The following ATL3 variants were observed in gnomAD, a reference collection of about 807,000 sequenced individuals.
ATL3 encodes atlastin-3.
Under a neutral mutation model 69.5 loss-of-function variants are expected in ATL3, and 49 were observed. The ratio of observed to expected loss-of-function variants is 0.71; its 90% CI spans 0.56 to 0.89. The LOEUF is 0.89. ATL3 is among the 40% of genes least tolerant of loss of function. The probability of loss-of-function intolerance (pLI) is 0.00; values close to 1 mark genes in which losing one functional copy is unlikely to be tolerated. For synonymous variants in ATL3, 214 were observed against 224.1 expected (o/e 0.95, Z 0.40); for missense variants, 606 against 645.7 (o/e 0.94, Z 0.67).
chr11:63,649,804 GA>G (rs1255037260), intron 5 of ATL3, among the ~76,000 whole-genome samples: 1 of 151,818 alleles, frequency 6.6e-6, no homozygotes, highest in Non-Finnish European at 1.5e-5. Flanking sequence ...TTCCAAAGAG[GA>G]ATATAATTTC....
At chr11:63,650,195 G>A (rs573772899) in intron 5 of ATL3, among the ~76,000 whole-genome samples, 53 of 152,094 alleles carry the variant, frequency 3.5e-4, no homozygotes, top group African/African-American at 5.5e-4. Context: ...ATAACACACC[G>A]CAGTATCTAG....
intron 1 of ATL3, among the ~76,000 whole-genome samples, chr11:63,659,701 G>A (rs1565282381): frequency 6.6e-6 from 1 of 152,098 alleles, no homozygotes; most frequent in South Asian, 2.1e-4. Context: ...TTGGGAAGCC[G>A]AGGTGGGTGG....
chr11:63,661,031 T>C (rs180699975), intron 1 of ATL3, among the ~76,000 whole-genome samples: 1 of 150,410 alleles, frequency 6.6e-6, no homozygotes, highest in Non-Finnish European at 1.5e-5. Context: ...CTGGCCAACA[T>C]GGTAAAGCCC....
In ATL3 at chr11:63,658,861, G is replaced by A. The variant is rs574217792; in HGVS notation, c.305C>T (p.Pro102Leu). ...HSNWLGDPEE[P>L]LTGFSWRGGS... The stretch of plus-strand genomic sequence containing the variant: ...CCCTCTCCAGGAAAATCCTGTTAAC[G>A]GTTCTTCTGGGTCACCCAACCAATT... The change falls in exon 3 of 13, where the codon CCG becomes CTG. Residue 102 changes from proline to leucine, a missense_variant. Coordinates refer to ENST00000398868, the MANE Select transcript of ATL3 (RefSeq NM_015459.5). The A allele has an allele frequency of 1.5e-5, 24 of 1,610,186 alleles. No homozygotes were observed. Among genetic ancestry groups the A allele is most frequent in the African/African-American group, 9.3e-5 (7 of 74,908 alleles).
At chr11:63,643,780 G>A (rs1358615449) in intron 7 of ATL3, among the ~76,000 whole-genome samples, 1 of 152,236 alleles carries the variant, frequency 6.6e-6, no homozygotes, top group Non-Finnish European at 1.5e-5. Flanking sequence ...AGTAGTGACA[G>A]ACAAAGGATT....
intron 12 of ATL3, 53 bp from the exon 13 acceptor site, chr11:63,629,458 C>T: frequency 6.7e-7 from 1 of 1,497,542 alleles, no homozygotes. Flanking sequence ...AACACAGCAA[C>T]AAGAAAGTAA....
At chr11:63,657,623 G>C (rs917505189) in intron 3 of ATL3, among the ~76,000 whole-genome samples, 2 of 152,214 alleles carry the variant, frequency 1.3e-5, no homozygotes, top group Non-Finnish European at 2.9e-5. Flanking sequence ...TCTGTTAGAA[G>C]CCTTACAGTA....
chr11:63,640,514 C>T (rs1205782096), intron 8 of ATL3, among the ~76,000 whole-genome samples: 2 of 150,820 alleles, frequency 1.3e-5, no homozygotes, highest in African/African-American at 4.9e-5. Flanking sequence ...TGAGATGTAC[C>T]ATAATCTAAC....
rs1444608014 is a variant in ATL3 at position 63,636,113 on chromosome 11, T to G, written c.978+94A>C. 3 of 1,520,340 alleles carry G rather than the reference T, an allele frequency of 2.0e-6. No individual in the cohort carries two copies. The East Asian group carries it at 6.8e-5, about 34-fold the overall frequency. The allele number at this position is 1,520,340 out of a possible 1,614,324, so 94.2% of individuals were successfully genotyped here. On this transcript the variant is annotated intron_variant, in intron 9 of 12. Coordinates refer to ENST00000398868, the MANE Select transcript of ATL3 (RefSeq NM_015459.5). ...CTCTCACCATCTCCCCCAGAAAATTTTTAAGTTTCAAAATATTTAAATTCA... is the reference window on the plus strand; with the variant it reads ...CTCTCACCATCTCCCCCAGAAAATTGTTAAGTTTCAAAATATTTAAATTCA...
upstream of ATL3, chr11:63,671,670 G>C: frequency 7.3e-7 from 1 of 1,367,608 alleles, no homozygotes; most frequent in Non-Finnish European, 9.6e-7. Context: ...CCGTCCTTTG[G>C]GAATTGTAGT....
In ATL3 at chr11:63,668,902, C is replaced by T. The variant is rs115546884; in HGVS notation, c.46+2388G>A. On this transcript the variant is annotated intron_variant, in intron 1 of 12. Coordinates refer to ENST00000398868, the MANE Select transcript of ATL3 (RefSeq NM_015459.5). ...GAAAAAAGAAAAAAAAAAAGGCTCA[C>T]TGCAGCCAACTTCCTGGGCTCACTC... Among the ~76,000 whole-genome samples the T allele has an allele frequency of 6.1e-3, 901 of 147,354 alleles. 9 individuals carry two copies. Among genetic ancestry groups the T allele is most frequent in the African/African-American group, 0.021 (841 of 39,936 alleles).
rs1258221734 is a variant in ATL3, at chr11:63,631,396, G to A, written c.1183C>T (p.Leu395=). The A allele has an allele frequency of 6.2e-7, 1 of 1,614,060 alleles. No individual in the cohort carries two copies. The highest frequency in any genetic ancestry group is 8.5e-7 in the Non-Finnish European group (1 of 1,180,050). ...TTCTTGGTCTTCTTAAAATGGTCCA[G>A]AGCAAGTTGTTTGAATTCACAGTGC... ...EKHCEFKQLA[L]DHFKKTKKMG... is the part of the protein sequence containing the mutation. The change falls in exon 12 of 13, where the codon CTG becomes TTG. Residue 395 remains leucine, a synonymous_variant. Transcript: ENST00000398868.
intron 8 of ATL3, among the ~76,000 whole-genome samples, chr11:63,636,956 C>A (rs1939539493): frequency 6.6e-6 from 1 of 152,084 alleles, no homozygotes. Flanking sequence ...CTGGTCTACT[C>A]CCTAGCCTTT....
intron 5 of ATL3, among the ~76,000 whole-genome samples, chr11:63,647,936 G>A (rs1297976299): frequency 2.0e-5 from 3 of 152,158 alleles, no homozygotes; most frequent in Admixed American, 2.0e-4. Flanking sequence ...TATCTCAGTA[G>A]AAATCCCTGA....
chr11:63,652,471 C>T lies in ATL3; in HGVS notation c.510G>A (p.Gln170=). The part of the protein sequence containing the change: ...FALSTMTSSV[Q]IYNLSQNIQE... ...TTTTTCTGAGTCAAGTGGTTTTTAC[C>T]TGAACAGAACTAGTCATAGTGCTTA... The change falls in exon 4 of 13, where the codon CAG becomes CAA. Residue 170 remains glutamine (Q), a splice_region_variant and synonymous_variant. Coordinates refer to ENST00000398868, the MANE Select transcript of ATL3 (RefSeq NM_015459.5). The T allele has an allele frequency of 2.6e-6, 4 of 1,533,082 alleles. No homozygotes were observed. Among genetic ancestry groups the T allele is most frequent in the South Asian group, 2.7e-5 (2 of 75,018 alleles). 95.0% of individuals were successfully genotyped at this position (1,533,082 alleles called of 1,614,324 possible).
intron 10 of ATL3, among the ~76,000 whole-genome samples, chr11:63,633,995 A>C (rs540228447): frequency 2.1e-4 from 30 of 143,618 alleles, no homozygotes; most frequent in African/African-American, 7.6e-4. Context: ...AGATCACGCC[A>C]CTGCACTCCA....
At chr11:63,635,492 G>T in intron 10 of ATL3, 42 bp downstream of exon 10, 1 of 1,538,978 alleles carries the variant, frequency 6.5e-7, no homozygotes, top group South Asian at 1.1e-5. Context: ...GTCAACTCAA[G>T]TAATTTAAGG....
intron 5 of ATL3, among the ~76,000 whole-genome samples, chr11:63,649,893 A>G (rs1158413728): frequency 6.6e-6 from 1 of 152,210 alleles, no homozygotes; most frequent in Non-Finnish European, 1.5e-5. Context: ...ATGTGTATAT[A>G]TTCTTAAGTA....
intron 5 of ATL3, among the ~76,000 whole-genome samples, chr11:63,651,156 TAA>T (rs1343609428): frequency 6.6e-6 from 1 of 151,840 alleles, no homozygotes; most frequent in Admixed American, 6.6e-5. Flanking sequence ...CCTGCTGCTA[TAA>T]AAAAAGAGAA....
Sources: gnomAD v4.1 joint callset for allele counts (sites outside exome capture counted in the v4.1 genomes callset) on GRCh38, gnomAD v4.1.1 for gene constraint, MANE v1.5 for transcripts, NCBI Gene and HGNC (gene_info 2026-07-23, HGNC 2026-07-21) for gene names.